PRKCQ: variants seen among roughly 807,000 people sequenced by gnomAD.
PRKCQ encodes the protein protein kinase C theta.
In PRKCQ, 41 loss-of-function variants were observed where a neutral mutation model predicts 91.2. The ratio of observed to expected loss-of-function variants is 0.45; its 90% confidence interval spans 0.35 to 0.58. The LOEUF (loss-of-function observed/expected upper bound fraction) is 0.58, where lower values mean the gene tolerates loss of function less well. Among genes scored for constraint, PRKCQ ranks in the 20% least tolerant of loss-of-function variants. PRKCQ has a pLI of 0.00. For missense variants in PRKCQ, 673 were observed against 896.5 expected (o/e 0.75, Z 3.18); for synonymous variants, 307 against 316.9 (o/e 0.97, Z 0.33).
chr10:6,401,321 C>T, the PRKCQ span, among the ~76,000 whole-genome samples: 2 of 152,124 alleles, frequency 1.3e-5, no homozygotes, highest in Non-Finnish European at 2.9e-5. Flanking sequence ...CTGTGTTTTC[C>T]GGGTGACCGT....
At chr10:6,580,022 C>G (rs1336607181) in intron 1 of PRKCQ, among the ~76,000 whole-genome samples, 189 bp downstream of exon 1, 1 of 152,138 alleles carries the variant, frequency 6.6e-6, no homozygotes. Context: ...TCCCAGAAAC[C>G]CAGCGGGGAA....
intron 4 of PRKCQ, among the ~76,000 whole-genome samples, chr10:6,499,302 A>G (rs1837780275): frequency 6.6e-6 from 1 of 152,198 alleles, no homozygotes; most frequent in Non-Finnish European, 1.5e-5. Context: ...GGGCTCATAA[A>G]TATTGGTGAA....
chr10:6,430,777 C>G lies in PRKCQ; in HGVS notation c.1965+33G>C, dbSNP rs751460126. 3.1e-6 allele frequency: 5 copies of G among 1,606,780 alleles called. No individual in the cohort carries two copies. The African/African-American group carries it at 4.0e-5, about 13-fold the overall frequency. On this transcript the variant is annotated intron_variant, in intron 17 of 17. Coordinates refer to ENST00000263125, the MANE Select transcript of PRKCQ (RefSeq NM_006257.5). This position sits in a 1 kb window ranked among gnomAD's most constrained non-coding sequence, Gnocchi z 4.7. ...ACGGCCCTGAGCGGAGGGAGAGTGG[C>G]TGACACCAAGCGGCCCATGAGCGAG...
At chr10:6,505,440 CCTT>C (rs1838142298) in intron 4 of PRKCQ, among the ~76,000 whole-genome samples, 1 of 151,738 alleles carries the variant, frequency 6.6e-6, no homozygotes, top group African/African-American at 2.4e-5. Flanking sequence ...TTTCTTCCTT[CCTT>C]CTTTCTTTCT....
chr10:6,416,061 G>A, the PRKCQ span, among the ~76,000 whole-genome samples: 2 of 152,034 alleles, frequency 1.3e-5, no homozygotes, highest in African/African-American at 4.8e-5. Context: ...TTCCTCTTTT[G>A]AAAAAGGAAT....
At chr10:6,560,266 G>C (rs1840578099) in intron 1 of PRKCQ, among the ~76,000 whole-genome samples, 1 of 152,182 alleles carries the variant, frequency 6.6e-6, no homozygotes, top group Admixed American at 6.5e-5. Flanking sequence ...CAGCATTTCA[G>C]GTGCTGGATA....
intron 1 of PRKCQ, among the ~76,000 whole-genome samples, chr10:6,549,242 T>C (rs1399287861): frequency 6.6e-6 from 1 of 152,130 alleles, no homozygotes; most frequent in African/African-American, 2.4e-5. Context: ...GACTGTATCA[T>C]GGAGAAAGCA....
chr10:6,508,451 T>C (rs1337622044), intron 3 of PRKCQ, among the ~76,000 whole-genome samples: 1 of 152,230 alleles, frequency 6.6e-6, no homozygotes, highest in African/African-American at 2.4e-5. Context: ...CTTGTGCAAG[T>C]CACTAAGTCT....
chr10:6,496,332 C>A (rs143089834), intron 7 of PRKCQ, among the ~76,000 whole-genome samples: 5 of 152,012 alleles, frequency 3.3e-5, no homozygotes, highest in South Asian at 2.1e-4. Flanking sequence ...CATGTGCTAG[C>A]CCAGTTTCCC....
chr10:6,460,655 C>T (rs1039915151), intron 14 of PRKCQ, among the ~76,000 whole-genome samples: 16 of 152,156 alleles, frequency 1.1e-4, no homozygotes, highest in Admixed American at 1.0e-3. Context: ...CTACACCCAG[C>T]TAATTTTTGT....
At chr10:6,516,933 ATT>A (rs1308835262) in intron 1 of PRKCQ, among the ~76,000 whole-genome samples, 2 of 152,134 alleles carry the variant, frequency 1.3e-5, no homozygotes, top group Non-Finnish European at 2.9e-5. Context: ...CTAGACAATG[ATT>A]TCTTACTTAA....
At chr10:6,404,666 TTCTC>T in the PRKCQ span, among the ~76,000 whole-genome samples, 21 of 149,388 alleles carry the variant, frequency 1.4e-4, no homozygotes, top group Non-Finnish European at 1.5e-5. Context: ...CTCTTTTTCT[TTCTC>T]TCTTTCCTTT....
chr10:6,532,923 C>G (rs980843801), intron 1 of PRKCQ, among the ~76,000 whole-genome samples: 15 of 152,184 alleles, frequency 9.9e-5, no homozygotes, highest in African/African-American at 3.4e-4. Flanking sequence ...AAATTGCAAT[C>G]TATTCTAATT....
chr10:6,500,041 C>T (rs1028006422), intron 4 of PRKCQ, among the ~76,000 whole-genome samples: 2 of 152,320 alleles, frequency 1.3e-5, no homozygotes, highest in Admixed American at 6.5e-5. Flanking sequence ...GGACATAATA[C>T]TTTGCCTAAT....
chr10:6,396,933 G>C, the PRKCQ span, among the ~76,000 whole-genome samples: 1 of 152,156 alleles, frequency 6.6e-6, no homozygotes, highest in Non-Finnish European at 1.5e-5. Flanking sequence ...CCACATCCTT[G>C]TCAACACATG....
rs189047525 is a variant in PRKCQ at position 6,491,891 on chromosome 10, A to T, written c.661-79T>A. 1.9e-5 allele frequency: 30 copies of T among 1,557,954 alleles called. No individual in the cohort carries two copies. The East Asian group carries it at 6.5e-4, about 34-fold the overall frequency. On this transcript the variant is annotated intron_variant, in intron 7 of 17. Transcript: ENST00000263125. ...ATGTTCTTGCAGATACCTTAGCATA[A>T]CTAACAGAGATCATAATGAAAACAC...
intron 1 of PRKCQ, among the ~76,000 whole-genome samples, chr10:6,549,787 T>A (rs1308516913): frequency 6.6e-6 from 1 of 151,876 alleles, no homozygotes; most frequent in African/African-American, 2.4e-5. Flanking sequence ...TTTGCCACCA[T>A]GCCCGGCTAA....
downstream of PRKCQ, among the ~76,000 whole-genome samples, chr10:6,424,944 A>G (rs899830548): frequency 2.8e-4 from 43 of 152,122 alleles, no homozygotes; most frequent in African/African-American, 9.9e-4. Flanking sequence ...TGCAAAGTGG[A>G]GGGGAACTGG....
In PRKCQ at chr10:6,462,291, A is replaced by C. The variant is rs539103; in HGVS notation, c.1508+12T>G. The C allele has an allele frequency of 0.029, 46,377 of 1,611,450 alleles. 2,027 individuals carry two copies. Among genetic ancestry groups the C allele is most frequent in the African/African-American group, 0.19 (14,333 of 74,862 alleles). Reference sequence around the variant, plus strand: ...GATATCTTAGCATTTGTTTCCACAAAGCAAAATTTACCTGTAGACTATTCC... The same window carrying C: ...GATATCTTAGCATTTGTTTCCACAACGCAAAATTTACCTGTAGACTATTCC... On this transcript the variant is annotated intron_variant, in intron 14 of 17. Coordinates refer to ENST00000263125, the MANE Select transcript of PRKCQ (RefSeq NM_006257.5).
Sources: allele counts gnomAD v4.1 joint callset (sites outside exome capture counted in the v4.1 genomes callset), GRCh38; gene constraint gnomAD v4.1.1; non-coding constraint Gnocchi (gnomAD v3.1); transcripts MANE v1.5; gene names NCBI Gene and HGNC (gene_info 2026-07-23, HGNC 2026-07-21).